CADM2: variants seen among roughly 807,000 people sequenced by gnomAD.
The protein encoded by CADM2 is immunoglobulin superfamily member 4D.
Under a neutral mutation model 49.8 loss-of-function variants are expected in CADM2, and 12 were observed. That is an observed-to-expected ratio of 0.24 (90% CI 0.15 to 0.39). The LOEUF is 0.39. CADM2 is among the 10% of genes least tolerant of loss of function. CADM2 has a pLI of 1.00. For synonymous variants in CADM2, 214 were observed against 175.4 expected (o/e 1.22, Z -1.74); for missense variants, 378 against 492.3 (o/e 0.77, Z 2.20).
At chr3:86,054,032 A>G (rs1174138493) in intron 8 of CADM2, among the ~76,000 whole-genome samples, 2 of 152,056 alleles carry the variant, frequency 1.3e-5, no homozygotes, top group Non-Finnish European at 2.9e-5. Flanking sequence ...TCATATAGCT[A>G]GTGTATAAAG....
At position 86,066,652 on chromosome 3, in the gene CADM2, C is replaced by T; in HGVS notation, c.1097-13C>T. 1 of 1,555,278 alleles carries T rather than the reference C, an allele frequency of 6.4e-7. No homozygotes were observed. The highest frequency in any genetic ancestry group is 1.1e-5 in the South Asian group (1 of 89,548). On this transcript the variant is annotated splice_polypyrimidine_tract_variant and intron_variant, in intron 9 of 9. Transcript: ENST00000383699. ...CTCACAGAGCTAACATATTTTTCTT[C>T]CAATATATGCAGGAACGTATTTAAC...
intron 1 of CADM2, among the ~76,000 whole-genome samples, chr3:85,009,708 T>C (rs1009996210): frequency 8.6e-5 from 13 of 151,652 alleles, no homozygotes; most frequent in African/African-American, 2.9e-4. Flanking sequence ...TCTACTAAAA[T>C]AGAAAAAATC....
intron 1 of CADM2, among the ~76,000 whole-genome samples, chr3:85,688,855 A>G (rs2066295057): frequency 6.6e-6 from 1 of 152,156 alleles, no homozygotes; most frequent in Admixed American, 6.5e-5. Flanking sequence ...GGCATAAGCC[A>G]CTGCACCTGG....
intron 1 of CADM2, among the ~76,000 whole-genome samples, chr3:85,469,101 A>G (rs2038653410): frequency 6.6e-6 from 1 of 152,208 alleles, no homozygotes; most frequent in Non-Finnish European, 1.5e-5. Context: ...GTGCAAATGC[A>G]AAGTGTCAGA....
intron 1 of CADM2, among the ~76,000 whole-genome samples, chr3:85,359,666 A>ATATATATTTTTTT: frequency 6.4e-4 from 17 of 26,556 alleles, no homozygotes; most frequent in East Asian, 2.7e-3. Context: ...ATATATATAT[A>ATATATATTTTTTT]TTTTTTTTTT....
intron 2 of CADM2, among the ~76,000 whole-genome samples, chr3:85,755,951 T>G (rs1352529216): frequency 6.6e-6 from 1 of 152,148 alleles, no homozygotes; most frequent in Non-Finnish European, 1.5e-5. Flanking sequence ...TCCAGGAAGT[T>G]GGGAGATGGG....
At chr3:85,678,805 G>A (rs1277091286) in intron 1 of CADM2, among the ~76,000 whole-genome samples, 1 of 152,120 alleles carries the variant, frequency 6.6e-6, no homozygotes, top group African/African-American at 2.4e-5. Context: ...ATAGTGCAGG[G>A]TGGCAGATCT....
chr3:85,565,782 A>C (rs1462388411), intron 1 of CADM2, among the ~76,000 whole-genome samples: 1 of 152,112 alleles, frequency 6.6e-6, no homozygotes, highest in East Asian at 1.9e-4. Flanking sequence ...CAAAGTTTTC[A>C]GCAGAGTAGT....
At chr3:85,318,298 C>A (rs1270250938) in intron 1 of CADM2, among the ~76,000 whole-genome samples, 2 of 151,966 alleles carry the variant, frequency 1.3e-5, no homozygotes, top group Non-Finnish European at 2.9e-5. Flanking sequence ...GCAGTACAAC[C>A]TAGACCTAGC....
intron 1 of CADM2, among the ~76,000 whole-genome samples, chr3:85,422,513 G>A (rs935301845): frequency 1.3e-5 from 2 of 152,064 alleles, no homozygotes; most frequent in South Asian, 2.1e-4. Context: ...TCCTGACCTC[G>A]TGATCCTCCC....
intron 1 of CADM2, among the ~76,000 whole-genome samples, chr3:85,155,091 A>T (rs2040064404): frequency 1.4e-5 from 2 of 146,170 alleles, no homozygotes; most frequent in Admixed American, 1.3e-4. Context: ...ACATAACAAT[A>T]TTAACCTTAA....
chr3:85,474,705 T>G (rs1445010800), intron 1 of CADM2, among the ~76,000 whole-genome samples: 1 of 152,032 alleles, frequency 6.6e-6, no homozygotes, highest in Non-Finnish European at 1.5e-5. Flanking sequence ...TGAGTGTGTG[T>G]GTGATGATAT....
At chr3:85,530,421 C>T (rs1373768386) in intron 1 of CADM2, among the ~76,000 whole-genome samples, 1 of 100,722 alleles carries the variant, frequency 9.9e-6, no homozygotes, top group Non-Finnish European at 2.5e-5. Flanking sequence ...AGCTCCGCCT[C>T]CCGGGTTCAC....
intron 1 of CADM2, among the ~76,000 whole-genome samples, chr3:85,359,653 TATATATATA>T (rs1372805763): frequency 0.08 from 1,506 of 18,732 alleles, 183 homozygotes; most frequent in African/African-American, 0.12. Flanking sequence ...TATATATATA[TATATATATA>T]TATATTTTTT....
intron 1 of CADM2, among the ~76,000 whole-genome samples, chr3:85,604,407 A>G (rs2063495519): frequency 1.3e-5 from 2 of 151,926 alleles, no homozygotes; most frequent in Admixed American, 1.3e-4. Context: ...GGTAATTCCT[A>G]AAGACTACAA....
intron 1 of CADM2, among the ~76,000 whole-genome samples, chr3:85,642,512 C>A (rs1240469238): frequency 6.6e-6 from 1 of 151,960 alleles, no homozygotes; most frequent in Non-Finnish European, 1.5e-5. Context: ...AAGCTGTTGT[C>A]ACTTTTCATT....
At chr3:85,254,652 G>C (rs935918153) in intron 1 of CADM2, among the ~76,000 whole-genome samples, 2 of 152,102 alleles carry the variant, frequency 1.3e-5, no homozygotes, top group Non-Finnish European at 2.9e-5. Flanking sequence ...CTTCGTTCAT[G>C]AATGTGAGAA....
At chr3:85,392,432 T>A (rs2034562213) in intron 1 of CADM2, among the ~76,000 whole-genome samples, 1 of 152,112 alleles carries the variant, frequency 6.6e-6, no homozygotes, top group South Asian at 2.1e-4. Flanking sequence ...AATACCAATA[T>A]CTTAGTTTGT....
intron 1 of CADM2, among the ~76,000 whole-genome samples, chr3:85,376,670 C>T (rs762737548): frequency 4.6e-5 from 7 of 152,024 alleles, no homozygotes; most frequent in Admixed American, 2.6e-4. Context: ...TTCACTAATG[C>T]GACATCCTGA....
Sources: gnomAD v4.1 joint callset for allele counts (sites outside exome capture counted in the v4.1 genomes callset) on GRCh38, gnomAD v4.1.1 for gene constraint, MANE v1.5 for transcripts, NCBI Gene and HGNC (gene_info 2026-07-23, HGNC 2026-07-21) for gene names.